The following SCNN1A variants were observed in gnomAD, a reference collection of about 807,000 sequenced individuals.
SCNN1A encodes the protein epithelial sodium channel subunit alpha.
Under a neutral mutation model 68.6 loss-of-function variants are expected in SCNN1A, and 65 were observed. The ratio of observed to expected loss-of-function variants is 0.95; its 90% CI spans 0.78 to 1.16. The LOEUF is 1.16. Among genes scored for constraint, SCNN1A ranks in the 50% most tolerant of loss-of-function variants. SCNN1A has a pLI of 0.00. For missense variants in SCNN1A, 880 were observed against 865.9 expected (o/e 1.02, Z -0.20); for synonymous variants, 357 against 353.3 (o/e 1.01, Z -0.12).
Position 6,349,067 on chromosome 12 carries a change from G to A in SCNN1A, c.1498-62C>T, listed in dbSNP as rs1430669637. On this transcript the variant is annotated intron_variant, in intron 10 of 12. Coordinates refer to ENST00000228916, the MANE Select transcript of SCNN1A (RefSeq NM_001038.6). ...ATATGCTTCAGGCTTACAGGGATAG[G>A]GTTGTGTCAAACACACTCATACACA... 23 of 1,605,394 alleles carry A rather than the reference G, an allele frequency of 1.4e-5. 1 individual carries two copies. The Admixed American group carries it at 1.8e-4, about 13-fold the overall frequency.
At chr12:6,373,195 T>C (rs1212162986) in intron 2 of SCNN1A, among the ~76,000 whole-genome samples, 4 of 151,982 alleles carry the variant, frequency 2.6e-5, no homozygotes, top group Non-Finnish European at 5.9e-5. Context: ...AACGCACCTT[T>C]GGACATGATG....
chr12:6,348,590 G>C, intron 12 of SCNN1A, 137 bp downstream of exon 12: 3 of 814,142 alleles, frequency 3.7e-6, no homozygotes, highest in Non-Finnish European at 6.1e-6. Flanking sequence ...CCTCTCCCTT[G>C]ACCCTCTTCT....
intron 3 of SCNN1A, among the ~76,000 whole-genome samples, chr12:6,362,536 C>T (rs533982662): frequency 7.2e-5 from 11 of 152,138 alleles, no homozygotes; most frequent in Non-Finnish European, 1.3e-4. Flanking sequence ...GACTTTCCCT[C>T]CCATTTCACT....
At chr12:6,357,997 T>G (rs1948525996) in intron 4 of SCNN1A, among the ~76,000 whole-genome samples, 2 of 152,116 alleles carry the variant, frequency 1.3e-5, no homozygotes, top group African/African-American at 4.8e-5. Context: ...AAACTCCGTC[T>G]CCAAAAGAAA....
At chr12:6,375,119 T>C in intron 1 of SCNN1A, 1 of 1,490,142 alleles carries the variant, frequency 6.7e-7, no homozygotes. Flanking sequence ...TCGAGTTTTG[T>C]CCTAGCACCT....
At chr12:6,364,986 T>C (rs1156273301) in intron 2 of SCNN1A, among the ~76,000 whole-genome samples, 3 of 151,278 alleles carry the variant, frequency 2.0e-5, no homozygotes, top group Admixed American at 6.6e-5. Flanking sequence ...TGGAGATATA[T>C]ATATATATGG....
chr12:6,356,224 C>G, intron 4 of SCNN1A: 1 of 374,464 alleles, frequency 2.7e-6, no homozygotes, highest in South Asian at 2.6e-5. Flanking sequence ...CATTGACTTC[C>G]GTGCTGCCTT....
rs142315932 is a variant in SCNN1A at position 6,373,752 on chromosome 12, G to A, written c.416+616C>T. Among the ~76,000 whole-genome samples, 3 of 152,292 alleles carry A rather than the reference G, an allele frequency of 2.0e-5. No individual in the cohort carries two copies. The East Asian group carries it at 5.8e-4, about 29-fold the overall frequency. On this transcript the variant is annotated intron_variant, in intron 2 of 12. Transcript: ENST00000228916. ...TTAGCCTGGGTCTTTTGGGGGAAGA[G>A]CTTCACAAGGAGCTGCTCTCTAGCC...
chr12:6,370,288 G>A (rs1044977405), intron 2 of SCNN1A, among the ~76,000 whole-genome samples: 12 of 152,184 alleles, frequency 7.9e-5, no homozygotes, highest in African/African-American at 2.2e-4. Flanking sequence ...TTCACTCCAC[G>A]GCCCCTGCTT....
At chr12:6,367,770 T>C (rs1449961902) in intron 2 of SCNN1A, among the ~76,000 whole-genome samples, 1 of 152,226 alleles carries the variant, frequency 6.6e-6, no homozygotes, top group Non-Finnish European at 1.5e-5. Flanking sequence ...AGGGTCTTAC[T>C]TGCCAGATTC....
At chr12:6,373,214 G>A (rs542382771) in intron 2 of SCNN1A, among the ~76,000 whole-genome samples, 46 of 151,698 alleles carry the variant, frequency 3.0e-4, no homozygotes, top group African/African-American at 1.1e-3. Context: ...TGGAATATAC[G>A]AAGGGGCCTC....
At chr12:6,365,131 C>T (rs1015167167) in intron 2 of SCNN1A, among the ~76,000 whole-genome samples, 9 of 151,702 alleles carry the variant, frequency 5.9e-5, no homozygotes, top group Non-Finnish European at 5.9e-5. Context: ...GCAATCCTCC[C>T]GCCTCAGCCT....
chr12:6,376,741 C>T (rs1457631478), upstream of SCNN1A, among the ~76,000 whole-genome samples: 6 of 152,124 alleles, frequency 3.9e-5, no homozygotes, highest in Non-Finnish European at 5.9e-5. Context: ...ACAACCCAGG[C>T]CCTGCACGCG....
intron 1 of SCNN1A, 199 bp from the exon 2 acceptor site, chr12:6,375,036 G>C (rs906666893): frequency 2.5e-5 from 39 of 1,539,586 alleles, no homozygotes; most frequent in Non-Finnish European, 3.1e-5. Context: ...ACCTGCGGGA[G>C]TTGGGGCCAA....
chr12:6,363,359 T>A, intron 3 of SCNN1A, 84 bp downstream of exon 3: 1 of 1,261,700 alleles, frequency 7.9e-7, no homozygotes, highest in South Asian at 1.7e-5. Context: ...CGCGGGCGGG[T>A]CAGGAAAGGA....
intron 9 of SCNN1A, 48 bp downstream of exon 9, chr12:6,349,279 G>A (rs72657555): frequency 1.1e-4 from 175 of 1,612,940 alleles, no homozygotes; most frequent in African/African-American, 8.9e-4. Flanking sequence ...TGCTTGGCTC[G>A]GTAACCTGTA....
chr12:6,348,392 C>T (rs1186601684), intron 12 of SCNN1A, 139 bp from the exon 13 acceptor site: 2 of 1,513,638 alleles, frequency 1.3e-6, no homozygotes, highest in East Asian at 2.4e-5. Flanking sequence ...TCAGCAGCCC[C>T]CTGGGCTCTT....
intron 8 of SCNN1A, among the ~76,000 whole-genome samples, chr12:6,353,282 T>C (rs1948421579): frequency 6.6e-6 from 1 of 152,184 alleles, no homozygotes; most frequent in African/African-American, 2.4e-5. Flanking sequence ...TTATAAATTA[T>C]ATACCTCTAC....
rs1948266160 is a variant in SCNN1A, at chr12:6,346,943, C to T, written c.*930G>A. 1 of 152,654 alleles carries T rather than the reference C, an allele frequency of 6.6e-6. No homozygotes were observed. Among genetic ancestry groups the T allele is most frequent in the Non-Finnish European group, 1.5e-5 (1 of 68,060 alleles). The allele number at this position is 152,654 out of a possible 1,614,324, so 9.5% of individuals were successfully genotyped here. A position where few individuals can be genotyped will look rare whatever the true frequency, so the allele number is the denominator to read the frequency against. On this transcript the variant is annotated 3_prime_UTR_variant, in exon 13 of 13. Transcript: ENST00000228916. ...TACATAAACGGGCAAGATTCAGTCC[C>T]TGACCGCAAGGCACTTACAGTCTAG...
Sources: allele counts gnomAD v4.1 joint callset (sites outside exome capture counted in the v4.1 genomes callset), GRCh38; gene constraint gnomAD v4.1.1; transcripts MANE v1.5; gene names NCBI Gene and HGNC (gene_info 2026-07-23, HGNC 2026-07-21).